Variants in ASIC2 observed in about 807,000 individuals in gnomAD.
ASIC2 encodes the protein acid-sensing ion channel 2.
Under a neutral mutation model 57.3 loss-of-function variants are expected in ASIC2, and 25 were observed. The observed-to-expected ratio is 0.44, with a 90% CI of 0.32 to 0.61. The LOEUF (loss-of-function observed/expected upper bound fraction) is 0.61, where lower values mean the gene tolerates loss of function less well. Ranked by LOEUF, ASIC2 falls within the 20% of genes least tolerant of loss-of-function variation. The pLI, the probability that ASIC2 is intolerant of heterozygous loss-of-function variation, is 0.06. For synonymous variants in ASIC2, 319 were observed against 307.5 expected (o/e 1.04, Z -0.39); for missense variants, 641 against 738.1 (o/e 0.87, Z 1.52).
At chr17:33,891,971 C>T (rs138199060) in intron 1 of ASIC2, among the ~76,000 whole-genome samples, 1 of 152,172 alleles carries the variant, frequency 6.6e-6, no homozygotes, top group African/African-American at 2.4e-5. Context: ...TACCATTTTC[C>T]CTTCTGACAT....
chr17:33,123,179 A>T lies in ASIC2; in HGVS notation c.709-11112T>A, dbSNP rs114761747. On this transcript the variant is annotated intron_variant, in intron 1 of 9. Coordinates refer to ENST00000225823, the MANE Select transcript of ASIC2 (RefSeq NM_183377.2). Reference sequence around the variant, plus strand: ...GAATTAAAATCAATATGCTGAAGAGATGTCTGCACTCCCACTTTCCTTGAA... The same window carrying T: ...GAATTAAAATCAATATGCTGAAGAGTTGTCTGCACTCCCACTTTCCTTGAA... Among the ~76,000 whole-genome samples, 467 of 152,296 alleles carry T rather than the reference A, an allele frequency of 3.1e-3. 9 individuals carry two copies. Among genetic ancestry groups the T allele is most frequent in the African/African-American group, 0.011 (452 of 41,562 alleles).
chr17:33,943,530 T>G (rs1252503634), intron 1 of ASIC2, among the ~76,000 whole-genome samples: 1 of 152,166 alleles, frequency 6.6e-6, no homozygotes, highest in Non-Finnish European at 1.5e-5. Flanking sequence ...TGTCCCAATT[T>G]ACAGTTGAGG....
At chr17:34,107,929 T>C (rs1567824764) in intron 1 of ASIC2, among the ~76,000 whole-genome samples, 1 of 152,214 alleles carries the variant, frequency 6.6e-6, no homozygotes, top group African/African-American at 2.4e-5. Flanking sequence ...CTCTTTCTCA[T>C]ACTTTTCCAT....
At chr17:33,908,892 C>T (rs1303437254) in intron 1 of ASIC2, among the ~76,000 whole-genome samples, 1 of 152,164 alleles carries the variant, frequency 6.6e-6, no homozygotes, top group Non-Finnish European at 1.5e-5. Context: ...GTGAACTGGT[C>T]CAGGTCATTC....
chr17:33,230,974 T>C (rs1466241712), intron 1 of ASIC2, among the ~76,000 whole-genome samples: 1 of 152,330 alleles, frequency 6.6e-6, no homozygotes, highest in Non-Finnish European at 1.5e-5. Flanking sequence ...ATCTCTTGTA[T>C]CTTGTGCTTG....
chr17:33,479,384 A>T (rs561296845), intron 1 of ASIC2, among the ~76,000 whole-genome samples: 1 of 152,062 alleles, frequency 6.6e-6, no homozygotes, highest in African/African-American at 2.4e-5. Flanking sequence ...AAATGATAAG[A>T]TTTGGTGATG....
chr17:33,682,226 A>AT lies in ASIC2; in HGVS notation c.555+473751dup, dbSNP rs72139419. 1.4e-3 allele frequency among the ~76,000 whole-genome samples: 206 copies of AT among 146,010 alleles called. 1 individual carries two copies. The South Asian group carries it at 0.015, about 10-fold the overall frequency. ...AGGTGCCCGCCACCATGCCTGGCTA[A>AT]TTTTTTTTTTTTTTATTTTTAGTAG... On this transcript the variant is annotated intron_variant, in intron 1 of 9. Coordinates refer to the ASIC2 transcript ENST00000359872.
chr17:33,087,322 G>T (rs2092138105), intron 3 of ASIC2, among the ~76,000 whole-genome samples: 1 of 152,004 alleles, frequency 6.6e-6, no homozygotes, highest in Non-Finnish European at 1.5e-5. Context: ...CATACCCTTG[G>T]ATATTCCCTT....
chr17:34,015,930 A>G (rs1215303358), intron 1 of ASIC2, among the ~76,000 whole-genome samples: 1 of 152,244 alleles, frequency 6.6e-6, no homozygotes, highest in Non-Finnish European at 1.5e-5. Context: ...TGAGGCTCAT[A>G]TGGGATAATA....
At chr17:33,269,446 C>T (rs1023351634) in intron 1 of ASIC2, among the ~76,000 whole-genome samples, 1 of 152,140 alleles carries the variant, frequency 6.6e-6, no homozygotes, top group Non-Finnish European at 1.5e-5. Context: ...TGCAAGGACC[C>T]TCTCTTGGGG....
intron 1 of ASIC2, among the ~76,000 whole-genome samples, chr17:33,466,758 T>C (rs1162428414): frequency 6.6e-6 from 1 of 152,174 alleles, no homozygotes; most frequent in Non-Finnish European, 1.5e-5. Flanking sequence ...GGATTCCCCA[T>C]TTAATAAATG....
chr17:33,919,068 G>A (rs1915651449), intron 1 of ASIC2, among the ~76,000 whole-genome samples: 1 of 152,178 alleles, frequency 6.6e-6, no homozygotes, highest in African/African-American at 2.4e-5. Flanking sequence ...GAGCAGGGCT[G>A]GGCTGGAGAC....
At chr17:33,991,011 A>G (rs1186699541) in intron 1 of ASIC2, among the ~76,000 whole-genome samples, 1 of 152,228 alleles carries the variant, frequency 6.6e-6, no homozygotes, top group Non-Finnish European at 1.5e-5. Context: ...GCAGATCTGG[A>G]AGCATCAAAT....
chr17:33,927,279 C>G (rs1344972626), intron 1 of ASIC2, among the ~76,000 whole-genome samples: 1 of 152,222 alleles, frequency 6.6e-6, no homozygotes, highest in Admixed American at 6.5e-5. Context: ...GGATGCTCAA[C>G]CTGTGTGATC....
intron 1 of ASIC2, among the ~76,000 whole-genome samples, chr17:33,554,553 C>G (rs1408903481): frequency 6.6e-6 from 1 of 152,086 alleles, no homozygotes; most frequent in Admixed American, 6.6e-5. Context: ...CTGGGGTTGC[C>G]AGTTCAAAGA....
chr17:33,385,681 AC>A (rs1909648911), intron 1 of ASIC2, among the ~76,000 whole-genome samples: 1 of 152,166 alleles, frequency 6.6e-6, no homozygotes, highest in Non-Finnish European at 1.5e-5. Flanking sequence ...AAGTTCTGCA[AC>A]TCTGCAGAGT....
chr17:33,709,535 G>A (rs1908963060), intron 1 of ASIC2, among the ~76,000 whole-genome samples: 1 of 152,202 alleles, frequency 6.6e-6, no homozygotes, highest in Non-Finnish European at 1.5e-5. Flanking sequence ...CCTCACTCAT[G>A]TGGCACTGTG....
At chr17:33,898,652 C>G (rs1346798573) in intron 1 of ASIC2, among the ~76,000 whole-genome samples, 1 of 152,158 alleles carries the variant, frequency 6.6e-6, no homozygotes, top group Non-Finnish European at 1.5e-5. Context: ...TATTTTTCCA[C>G]TAGTGTCCTT....
At chr17:33,625,185 C>CTAT (rs1555548140) in intron 1 of ASIC2, among the ~76,000 whole-genome samples, 6 of 149,182 alleles carry the variant, frequency 4.0e-5, no homozygotes, top group South Asian at 4.4e-4. Context: ...CATCTATTAT[C>CTAT]TATCTATTAT....
Sources: allele counts gnomAD v4.1 joint callset (sites outside exome capture counted in the v4.1 genomes callset), GRCh38; gene constraint gnomAD v4.1.1; transcripts MANE v1.5; gene names NCBI Gene and HGNC (gene_info 2026-07-23, HGNC 2026-07-21).